MOCOS: variants seen among roughly 807,000 people sequenced by gnomAD.
The protein encoded by MOCOS is molybdenum cofactor sulfurase.
Under a neutral mutation model 83.6 loss-of-function variants are expected in MOCOS, and 86 were observed. That is an observed-to-expected ratio of 1.03 (90% CI 0.86 to 1.23). MOCOS has a LOEUF of 1.23. MOCOS is among the 50% of genes most tolerant of loss of function. The pLI is 0.00. For missense variants in MOCOS, 1,120 were observed against 1,126.9 expected (o/e 0.99, Z 0.09); for synonymous variants, 445 against 434.7 (o/e 1.02, Z -0.29).
At chr18:36,263,931 C>G (rs1472962850) in intron 13 of MOCOS, among the ~76,000 whole-genome samples, 1 of 152,046 alleles carries the variant, frequency 6.6e-6, no homozygotes, top group African/African-American at 2.4e-5. Context: ...AATCCCAGCA[C>G]TTTGGGAGAC....
intron 9 of MOCOS, among the ~76,000 whole-genome samples, chr18:36,221,612 CTGT>C (rs2091496134): frequency 9.8e-5 from 1 of 10,174 alleles, no homozygotes; most frequent in Non-Finnish European, 3.5e-4. Flanking sequence ...GTGTTCTGTT[CTGT>C]TCTGTTCTGT....
At chr18:36,209,463 A>G (rs2091446303) in intron 6 of MOCOS, among the ~76,000 whole-genome samples, 1 of 152,122 alleles carries the variant, frequency 6.6e-6, no homozygotes, top group African/African-American at 2.4e-5. Flanking sequence ...CATTGTACCC[A>G]ATATGTAGCC....
intron 11 of MOCOS, among the ~76,000 whole-genome samples, chr18:36,256,144 G>A (rs780403277): frequency 1.3e-5 from 2 of 151,874 alleles, no homozygotes; most frequent in Non-Finnish European, 2.9e-5. Context: ...CTCCTGCCTC[G>A]GCCTCCCAAA....
chr18:36,249,862 A>T (rs1290455363), intron 10 of MOCOS, among the ~76,000 whole-genome samples: 1 of 152,170 alleles, frequency 6.6e-6, no homozygotes, highest in Non-Finnish European at 1.5e-5. Flanking sequence ...TCAGGTGATA[A>T]CTCACAGATT....
At chr18:36,218,615 A>G (rs932594607) in intron 8 of MOCOS, among the ~76,000 whole-genome samples, 5 of 152,012 alleles carry the variant, frequency 3.3e-5, no homozygotes, top group African/African-American at 1.2e-4. Flanking sequence ...CCTGGTCTCA[A>G]GCTATCCTCC....
chr18:36,249,700 A>T (rs1270531041), intron 10 of MOCOS, among the ~76,000 whole-genome samples: 1 of 152,086 alleles, frequency 6.6e-6, no homozygotes, highest in South Asian at 2.1e-4. Flanking sequence ...GTGAGACAAG[A>T]TGGAGGCTTG....
chr18:36,233,766 T>C (rs2091547339), intron 9 of MOCOS, among the ~76,000 whole-genome samples: 1 of 152,238 alleles, frequency 6.6e-6, no homozygotes, highest in African/African-American at 2.4e-5. Context: ...GTGGTTTTGA[T>C]TTGCATTTCC....
chr18:36,262,241 G>A (rs544882597), intron 13 of MOCOS, among the ~76,000 whole-genome samples: 4 of 7,590 alleles, frequency 5.3e-4, no homozygotes, highest in South Asian at 9.7e-3. Flanking sequence ...GCAAGACTTC[G>A]TCTCTCTCTA....
At chr18:36,209,850 A>G (rs1252898657) in intron 6 of MOCOS, among the ~76,000 whole-genome samples, 1 of 152,144 alleles carries the variant, frequency 6.6e-6, no homozygotes, top group East Asian at 1.9e-4. Context: ...GTAGATACCC[A>G]GTAGTGACAC....
chr18:36,255,292 T>C (rs1260185951), intron 11 of MOCOS, among the ~76,000 whole-genome samples: 2 of 152,170 alleles, frequency 1.3e-5, no homozygotes, highest in African/African-American at 4.8e-5. Flanking sequence ...AAACCTTGCT[T>C]CTGAAGTATG....
intron 8 of MOCOS, 92 bp from the exon 9 acceptor site, chr18:36,219,963 A>G: frequency 6.7e-7 from 1 of 1,494,228 alleles, no homozygotes; most frequent in African/African-American, 1.4e-5. Flanking sequence ...TGAATTCATG[A>G]AGTCTATCTG....
intron 7 of MOCOS, among the ~76,000 whole-genome samples, chr18:36,213,820 T>C (rs112891545): frequency 0.17 from 25,128 of 151,768 alleles, 2,642 homozygotes; most frequent in Non-Finnish European, 0.23. Flanking sequence ...TCCTAGCTAC[T>C]TGGGAGGCTG....
At chr18:36,206,603 A>G (rs1399044468) in intron 6 of MOCOS, among the ~76,000 whole-genome samples, 4 of 152,100 alleles carry the variant, frequency 2.6e-5, no homozygotes, top group African/African-American at 7.2e-5. Context: ...TTACATGGGT[A>G]CCTGAAAGGT....
intron 6 of MOCOS, among the ~76,000 whole-genome samples, chr18:36,205,719 T>C (rs2091432251): frequency 1.3e-5 from 2 of 152,156 alleles, no homozygotes; most frequent in Admixed American, 1.3e-4. Flanking sequence ...GGTTTTTCCT[T>C]GAAAGCACAT....
chr18:36,197,851 AG>A (rs2091395714), intron 2 of MOCOS, among the ~76,000 whole-genome samples: 2 of 152,210 alleles, frequency 1.3e-5, no homozygotes, highest in African/African-American at 4.8e-5. Flanking sequence ...ACTATAAATC[AG>A]TTAGATGTTT....
At chr18:36,224,466 T>A (rs1015766102) in intron 9 of MOCOS, among the ~76,000 whole-genome samples, 1 of 152,200 alleles carries the variant, frequency 6.6e-6, no homozygotes, top group African/African-American at 2.4e-5. Context: ...ACATGTTCTA[T>A]TCCTAGGTTA....
chr18:36,268,299 GT>G (rs1172318348), intron 14 of MOCOS, among the ~76,000 whole-genome samples: 1 of 152,174 alleles, frequency 6.6e-6, no homozygotes, highest in Non-Finnish European at 1.5e-5. Context: ...CAAGAAAGAG[GT>G]GTGGGGTGAC....
chr18:36,213,334 A>G, intron 6 of MOCOS, 32 bp from the exon 7 acceptor site: 1 of 1,552,546 alleles, frequency 6.4e-7, no homozygotes, highest in Non-Finnish European at 8.9e-7. Flanking sequence ...CACGTTGGTA[A>G]TGGCTCATTC....
rs2091404696 is a variant in MOCOS at position 36,199,842 on chromosome 18, C to T, written c.459C>T (p.Thr153=). 1.2e-6 allele frequency: 2 copies of T among 1,614,166 alleles called. No homozygotes were observed. The highest frequency in any genetic ancestry group is 1.7e-6 in the Non-Finnish European group (2 of 1,180,038). ...SRFCYLTDSH[T]SVVGMRNVTM... ...TCTGTTACCTCACCGACAGCCACAC[C>T]TCCGTAGTGGGTATGCGGAACGTGA... Residue 153 remains threonine, a synonymous_variant, in exon 4 of 15, where the codon ACC becomes ACT. Coordinates refer to ENST00000261326, the MANE Select transcript of MOCOS (RefSeq NM_017947.4).
Sources: allele counts gnomAD v4.1 joint callset (sites outside exome capture counted in the v4.1 genomes callset), GRCh38; gene constraint gnomAD v4.1.1; transcripts MANE v1.5; gene names NCBI Gene and HGNC (gene_info 2026-07-23, HGNC 2026-07-21).